Variants in FAM217B observed in about 807,000 individuals in gnomAD.
FAM217B encodes the protein protein FAM217B.
For missense variants in FAM217B, 463 were observed against 456.9 expected, an observed-to-expected ratio of 1.01 and a Z score of -0.12; for synonymous variants, 163 against 173.0, an observed-to-expected ratio of 0.94 and a Z score of 0.45.
Position 59,945,321 on chromosome 20 carries a change from C to T in FAM217B, c.*226C>T. On this transcript the variant is annotated 3_prime_UTR_variant, in exon 4 of 4. Transcript: ENST00000360816. The stretch of plus-strand genomic sequence containing the variant: ...TTGTCAGTCTTAGGCAAATGAGAGC[C>T]CTTTAGATAAAAATTATGTAAAATA... 2.4e-6 allele frequency: 1 copy of T among 424,492 alleles called. No homozygotes were observed. The highest frequency in any genetic ancestry group is 4.3e-6 in the Non-Finnish European group (1 of 230,330). 26.3% of individuals were successfully genotyped at this position (424,492 alleles called of 1,614,324 possible).
upstream of FAM217B, chr20:59,939,661 C>A: frequency 4.1e-6 from 6 of 1,481,290 alleles, no homozygotes; most frequent in South Asian, 2.7e-5. Context: ...CGACACGCAG[C>A]GCCCGGCGCG....
rs549417474 is a variant in FAM217B at position 59,945,037 on chromosome 20, C to T, written c.1094C>T (p.Ser365Leu). 6.2e-7 allele frequency: 1 copy of T among 1,605,644 alleles called. No individual in the cohort carries two copies. The highest frequency in any genetic ancestry group is 8.5e-7 in the Non-Finnish European group (1 of 1,177,794). ...GAGAGCTGTGGTCATGCCACTGTAT[C>T]GAGTGAGAAAAAACTGAAAACAAAC... is the stretch of plus-strand genomic sequence containing the variant. ...KAESCGHATV[S>L]SEKKLKTNGV... is the part of the protein sequence containing the mutation. Residue 365 changes from serine (S) to leucine (L), a missense_variant, in exon 4 of 4, where the codon TCG becomes TTG. Transcript: ENST00000360816.
chr20:59,943,172 G>T (rs1390868571), intron 3 of FAM217B, among the ~76,000 whole-genome samples: 1 of 152,164 alleles, frequency 6.6e-6, no homozygotes, highest in East Asian at 1.9e-4. Flanking sequence ...TTCAGCATCA[G>T]AATAAATTAT....
chr20:59,940,062 G>T, upstream of FAM217B: 2 of 724,864 alleles, frequency 2.8e-6, no homozygotes, highest in Admixed American at 8.7e-5. Context: ...TCTCGGGCCC[G>T]GTGCGCCCTA....
upstream of FAM217B, among the ~76,000 whole-genome samples, chr20:59,936,426 A>T (rs2060862311): frequency 6.6e-6 from 1 of 152,232 alleles, no homozygotes; most frequent in Admixed American, 6.5e-5. Context: ...AAATAAATGT[A>T]AGTTTTCTTC....
In FAM217B at chr20:59,944,985, G is replaced by C; in HGVS notation, c.1042G>C (p.Ala348Pro). The change falls in exon 4 of 4, where the codon GCA becomes CCA. Residue 348 changes from alanine (A) to proline (P), a missense_variant. Coordinates refer to ENST00000360816, the MANE Select transcript of FAM217B (RefSeq NM_022106.3). ...TAAGGCCTCCAAAACACAAGCACAT[G>C]CACATCCTAGGAAAAAGGGAAAGGC... ...SCKASKTQAHAHPRKKGKAES... is the reference protein window; with the variant it reads ...SCKASKTQAHPHPRKKGKAES... The C allele has an allele frequency of 6.2e-7, 1 of 1,614,148 alleles. No individual in the cohort carries two copies. Among genetic ancestry groups the C allele is most frequent in the Non-Finnish European group, 8.5e-7 (1 of 1,180,028 alleles).
chr20:59,940,585 A>G (rs1022052845), intron 1 of FAM217B, 50 bp downstream of exon 1: 2 of 152,356 alleles, frequency 1.3e-5, no homozygotes, highest in Non-Finnish European at 2.9e-5. Context: ...CCTATCGATC[A>G]TAGACTTTGT....
At position 59,948,148 on chromosome 20, in the gene FAM217B, G is replaced by A. The variant is rs1012221554; in HGVS notation, c.*3053G>A. On this transcript the variant is annotated 3_prime_UTR_variant, in exon 4 of 4. Transcript: ENST00000360816. Reference sequence around the variant, plus strand: ...ATGAACTAAAAGTATATCAGTATTTGCAGTATTTGCTGTGATTACTTAGGT... The same window carrying A: ...ATGAACTAAAAGTATATCAGTATTTACAGTATTTGCTGTGATTACTTAGGT... 1.9e-4 allele frequency: 31 copies of A among 166,542 alleles called. No homozygotes were observed. The highest frequency in any genetic ancestry group is 1.3e-4 in the Non-Finnish European group (9 of 68,078). The allele number at this position is 166,542 out of a possible 1,614,324, so 10.3% of individuals were successfully genotyped here.
In FAM217B at chr20:59,944,745, C is replaced by G. The variant is rs2060927023; in HGVS notation, c.802C>G (p.Pro268Ala). 6.2e-7 allele frequency: 1 copy of G among 1,614,048 alleles called. No individual in the cohort carries two copies. Among genetic ancestry groups the G allele is most frequent in the Non-Finnish European group, 8.5e-7 (1 of 1,180,042 alleles). The stretch of plus-strand genomic sequence containing the variant: ...ATCACATTATGCATTTGAGACTTCC[C>G]CTAGACCCATTGATGTGCTTGGTGG... Reference protein sequence around the residue: ...HPSHYAFETSPRPIDVLGGTR... With the variant: ...HPSHYAFETSARPIDVLGGTR... Residue 268 changes from proline to alanine, a missense_variant, in exon 4 of 4, where the codon CCT becomes GCT. Pro to Ala is a conservative substitution (Grantham distance 27). Coordinates refer to ENST00000360816, the MANE Select transcript of FAM217B (RefSeq NM_022106.3).
At chr20:59,941,912 GGA>G (rs149313847) in intron 1 of FAM217B, among the ~76,000 whole-genome samples, 2 of 151,454 alleles carry the variant, frequency 1.3e-5, no homozygotes, top group South Asian at 2.1e-4. Flanking sequence ...GTGTGAACAG[GGA>G]GAGAGAGAGA....
At chr20:59,935,106 A>G (rs2060851571) in intron 1 of FAM217B, among the ~76,000 whole-genome samples, 1 of 152,256 alleles carries the variant, frequency 6.6e-6, no homozygotes, top group Admixed American at 6.5e-5. Flanking sequence ...CTAATAATGT[A>G]TAACACAAAA....
At chr20:59,939,968 G>A (rs747979190), upstream of FAM217B, 38 of 1,257,646 alleles carry the variant, frequency 3.0e-5, no homozygotes, top group Non-Finnish European at 3.6e-5. Context: ...GCAGGGATGA[G>A]AGACGACCTC....
upstream of FAM217B, chr20:59,939,160 G>A (rs373679233): frequency 8.7e-6 from 14 of 1,611,356 alleles, no homozygotes; most frequent in East Asian, 2.2e-5. Flanking sequence ...ACTTGGTAGC[G>A]CACCGCGAAG....
exon 1 of FAM217B, chr20:59,933,813 C>T (rs1462469814): frequency 1.3e-5 from 2 of 149,556 alleles, no homozygotes; most frequent in African/African-American, 4.9e-5. Flanking sequence ...AGGCCTGAGC[C>T]AAGGGGGACG....
At chr20:59,939,393 T>TCCAGGCAC (rs2060883852), upstream of FAM217B, 1 of 1,610,686 alleles carries the variant, frequency 6.2e-7, no homozygotes, top group Non-Finnish European at 8.5e-7. Context: ...AGTGACACGC[T>TCCAGGCAC]CCAGGCACAC....
intron 1 of FAM217B, among the ~76,000 whole-genome samples, chr20:59,940,967 C>T (rs994371285): frequency 9.8e-5 from 15 of 152,310 alleles, no homozygotes; most frequent in African/African-American, 3.6e-4. Context: ...TGCAGCTGCC[C>T]TTAATCAGCC....
chr20:59,944,854 A>G lies in FAM217B; in HGVS notation c.911A>G (p.Gln304Arg). 6.2e-7 allele frequency: 1 copy of G among 1,614,236 alleles called. No individual in the cohort carries two copies. The highest frequency in any genetic ancestry group is 1.3e-5 in the African/African-American group (1 of 75,064). ...AAATCAAGTAAGAGTACGAAGCTGC[A>G]GCGCTGGGATCTGTCCGGCAGTGGA... ...KKKSSKSTKLQRWDLSGSGSS... is the reference protein window; with the variant it reads ...KKKSSKSTKLRRWDLSGSGSS... Residue 304 changes from glutamine to arginine, a missense_variant, in exon 4 of 4, where the codon CAG (glutamine) becomes CGG (arginine). Gln to Arg is a conservative substitution (Grantham distance 43). Transcript: ENST00000360816.
chr20:59,944,058 G>C lies in FAM217B; in HGVS notation c.115G>C (p.Ala39Pro), dbSNP rs2060920859. The C allele has an allele frequency of 4.3e-6, 7 of 1,614,130 alleles. No individual in the cohort carries two copies. The highest frequency in any genetic ancestry group is 4.5e-5 in the East Asian group (2 of 44,884). ...TTCCCAGCCGAGAAGCAGCCTCACA[G>C]CTGTCACCCAGCCTACTGAAGAAAA... ...ASSQPRSSLT[A>P]VTQPTEEKLK... Residue 39 changes from alanine (A) to proline (P), a missense_variant, in exon 4 of 4, where the codon GCT becomes CCT. Physicochemically the swap from Ala to Pro is conservative, Grantham distance 27. Transcript: ENST00000360816.
intron 1 of FAM217B, among the ~76,000 whole-genome samples, chr20:59,934,525 A>T (rs2060843855): frequency 6.6e-6 from 1 of 152,170 alleles, no homozygotes; most frequent in African/African-American, 2.4e-5. Context: ...ACAGCTTCGT[A>T]ATTATTTAAT....
Sources: gnomAD v4.1 joint callset for allele counts (sites outside exome capture counted in the v4.1 genomes callset) on GRCh38, gnomAD v4.1.1 for gene constraint, MANE v1.5 for transcripts, NCBI Gene and HGNC (gene_info 2026-07-23, HGNC 2026-07-21) for gene names.